MIA2: variants seen among roughly 807,000 people sequenced by gnomAD.
MIA2 encodes the protein MIA SH3 domain ER export factor 2.
A neutral mutation model predicts 167.8 loss-of-function variants in MIA2; 127 were observed. The ratio of observed to expected loss-of-function variants is 0.76; its 90% CI spans 0.66 to 0.88. The LOEUF (loss-of-function observed/expected upper bound fraction) is 0.88, where lower values mean the gene tolerates loss of function less well. Ranked by LOEUF, MIA2 falls within the 40% of genes least tolerant of loss-of-function variation. The pLI is 0.00. For missense variants in MIA2, 1,690 were observed against 1,624.7 expected (o/e 1.04, Z -0.69); for synonymous variants, 552 against 541.9 (o/e 1.02, Z -0.26).
chr14:39,234,765 T>C (rs1042405033), intron 1 of MIA2, among the ~76,000 whole-genome samples: 2 of 152,126 alleles, frequency 1.3e-5, no homozygotes, highest in African/African-American at 4.8e-5. Flanking sequence ...TTATTTATTA[T>C]GTAAAAATAC....
intron 23 of MIA2, among the ~76,000 whole-genome samples, chr14:39,379,088 A>G (rs1030744234): frequency 1.3e-5 from 2 of 152,184 alleles, no homozygotes; most frequent in African/African-American, 4.8e-5. Context: ...ATTAAATTTT[A>G]ATCATCTCGA....
chr14:39,331,713 T>C (rs950200984), intron 25 of MIA2, among the ~76,000 whole-genome samples: 7 of 152,248 alleles, frequency 4.6e-5, no homozygotes, highest in African/African-American at 1.7e-4. Flanking sequence ...CCTTTACTTA[T>C]AAAGCTTAGT....
At chr14:39,348,225 A>G (rs887227959) in intron 27 of MIA2, among the ~76,000 whole-genome samples, 6 of 152,140 alleles carry the variant, frequency 3.9e-5, no homozygotes, top group Non-Finnish European at 8.8e-5. Context: ...TGATTAATAT[A>G]CTTTCTACTT....
At chr14:39,270,568 G>T (rs1218232599) in intron 6 of MIA2, among the ~76,000 whole-genome samples, 1 of 150,948 alleles carries the variant, frequency 6.6e-6, no homozygotes, top group East Asian at 2.0e-4. Flanking sequence ...TTGCTTTGTT[G>T]CCCAGGCTGG....
Position 39,234,014 on chromosome 14 carries a change from G to T in MIA2, c.-101G>T. The T allele has an allele frequency of 1.6e-6, 1 of 609,368 alleles. No homozygotes were observed. The highest frequency in any genetic ancestry group is 3.5e-5 in the Admixed American group (1 of 28,394). 37.7% of individuals were successfully genotyped at this position (609,368 alleles called of 1,614,324 possible). A position where few individuals can be genotyped will look rare whatever the true frequency, so the allele number is the denominator to read the frequency against. On this transcript the variant is annotated 5_prime_UTR_variant, in exon 1 of 29. Coordinates refer to ENST00000640607, the MANE Select transcript of MIA2 (RefSeq NM_001329214.4). ...AAACTTCAACCCTTTTTCTCTTATA[G>T]TTAGTGAAGAGAGTAGAATATCTCC...
intron 25 of MIA2, among the ~76,000 whole-genome samples, chr14:39,335,826 G>T (rs754158547): frequency 6.6e-6 from 1 of 152,138 alleles, no homozygotes; most frequent in Non-Finnish European, 1.5e-5. Context: ...TGTGTACCCA[G>T]TGTTTAGCTA....
intron 4 of MIA2, among the ~76,000 whole-genome samples, chr14:39,248,641 G>A (rs1010909078): frequency 6.6e-6 from 1 of 151,928 alleles, no homozygotes; most frequent in East Asian, 1.9e-4. Context: ...TCCTATTCTG[G>A]TAGGTGTGGA....
At chr14:39,298,413 T>TTTTTTATATATATATATATATATA (rs1397878336) in intron 13 of MIA2, among the ~76,000 whole-genome samples, 1 of 26,150 alleles carries the variant, frequency 3.8e-5, no homozygotes, top group South Asian at 1.4e-3. Context: ...TGATTCTGTT[T>TTTTTTATATATATATATATATATA]TATATATATA....
intron 24 of MIA2, among the ~76,000 whole-genome samples, chr14:39,323,115 A>G (rs1412677279): frequency 6.6e-6 from 1 of 152,228 alleles, no homozygotes; most frequent in Non-Finnish European, 1.5e-5. Context: ...GCTTTCAAAT[A>G]ATATGAGAAA....
chr14:39,261,749 A>C (rs1221178375), intron 6 of MIA2, among the ~76,000 whole-genome samples: 1 of 152,152 alleles, frequency 6.6e-6, no homozygotes, highest in East Asian at 1.9e-4. Context: ...AGTGATGATG[A>C]GCATTTTTTC....
intron 6 of MIA2, among the ~76,000 whole-genome samples, chr14:39,261,461 T>G (rs2055110816): frequency 6.6e-6 from 1 of 152,192 alleles, no homozygotes; most frequent in Admixed American, 6.5e-5. Flanking sequence ...CGTGTGCAGG[T>G]GCCTTTATAG....
chr14:39,350,080 AC>A lies in MIA2; in HGVS notation c.4073-16del. 9.3e-7 allele frequency: 1 copy of A among 1,072,682 alleles called. No individual in the cohort carries two copies. The highest frequency in any genetic ancestry group is 1.4e-6 in the Non-Finnish European group (1 of 739,156). 66.4% of individuals were successfully genotyped at this position (1,072,682 alleles called of 1,614,324 possible). On this transcript the variant is annotated splice_polypyrimidine_tract_variant and intron_variant, in intron 28 of 28. Transcript: ENST00000640607. Reference sequence around the variant, plus strand: ...TTCTTAAAGTTAAAAAATGTCTTTTACCAATCTCTTTGAACAGTGAGAAATG... The same window carrying A: ...TTCTTAAAGTTAAAAAATGTCTTTTACAATCTCTTTGAACAGTGAGAAATG...
chr14:39,315,964 G>A (rs1042259337), intron 21 of MIA2, among the ~76,000 whole-genome samples: 5 of 152,116 alleles, frequency 3.3e-5, no homozygotes, highest in East Asian at 1.9e-4. Flanking sequence ...ATACTCCATG[G>A]GGAAGGTGAT....
intron 25 of MIA2, among the ~76,000 whole-genome samples, chr14:39,336,370 A>T (rs945784887): frequency 1.3e-5 from 2 of 152,210 alleles, no homozygotes; most frequent in African/African-American, 4.8e-5. Context: ...ATTAGCAAGT[A>T]TACACCTAGT....
chr14:39,281,986 C>T lies in MIA2; in HGVS notation c.2130+2449C>T, dbSNP rs372399629. ...TTCTGATTTTCAGAATATATGCTGCCGACAAATATGCTTTCTTATTTTAAT... is the reference window on the plus strand; with the variant it reads ...TTCTGATTTTCAGAATATATGCTGCTGACAAATATGCTTTCTTATTTTAAT... On this transcript the variant is annotated intron_variant, in intron 9 of 28. Transcript: ENST00000640607. Among the ~76,000 whole-genome samples, 9 of 152,064 alleles carry T rather than the reference C, an allele frequency of 5.9e-5. No homozygotes were observed. In the East Asian group the frequency reaches 1.2e-3, roughly 20 times the overall value.
intron 23 of MIA2, among the ~76,000 whole-genome samples, chr14:39,376,245 C>T (rs536568671): frequency 6.8e-4 from 103 of 152,196 alleles, no homozygotes; most frequent in African/African-American, 1.9e-3. Flanking sequence ...TGAGCCACTG[C>T]GCCCAGCCAA....
chr14:39,304,224 A>AT (rs1300757735), intron 16 of MIA2, 67 bp from the exon 17 acceptor site: 3 of 604,552 alleles, frequency 5.0e-6, no homozygotes, highest in African/African-American at 6.4e-5. Flanking sequence ...CTGAGGTTTT[A>AT]TTTTTTATTT....
chr14:39,288,470 TA>T (rs1566748653), intron 9 of MIA2, among the ~76,000 whole-genome samples: 824 of 41,600 alleles, frequency 0.02, 116 homozygotes, highest in African/African-American at 0.099. Context: ...TATATATATA[TA>T]TATATTTTTT....
downstream of MIA2, among the ~76,000 whole-genome samples, chr14:39,354,734 T>C (rs1038982965): frequency 1.3e-5 from 2 of 152,226 alleles, no homozygotes; most frequent in Admixed American, 1.3e-4. Flanking sequence ...AATTAATTTT[T>C]GTATAAGGTG....
Sources: gnomAD v4.1 joint callset for allele counts (sites outside exome capture counted in the v4.1 genomes callset) on GRCh38, gnomAD v4.1.1 for gene constraint, MANE v1.5 for transcripts, NCBI Gene and HGNC (gene_info 2026-07-23, HGNC 2026-07-21) for gene names.